The following WIZ variants were observed in gnomAD, a reference collection of about 807,000 sequenced individuals.
WIZ encodes protein Wiz.
In WIZ, 25 loss-of-function variants were observed where a neutral mutation model predicts 140.2. The observed-to-expected ratio is 0.18, with a 90% CI of 0.13 to 0.25. The LOEUF is 0.25. Ranked by LOEUF, WIZ falls within the 10% of genes least tolerant of loss-of-function variation. The pLI, the probability that WIZ is intolerant of heterozygous loss-of-function variation, is 1.00. For synonymous variants in WIZ, 1,125 were observed against 1,154.3 expected, an observed-to-expected ratio of 0.97 and a Z score of 0.51; for missense variants, 2,231 against 2,632.6, an observed-to-expected ratio of 0.85 and a Z score of 3.34.
chr19:15,447,118 G>A (rs369335025), intron 2 of WIZ, among the ~76,000 whole-genome samples: 1 of 152,216 alleles, frequency 6.6e-6, no homozygotes, highest in South Asian at 2.1e-4. Flanking sequence ...GACAGAAGAT[G>A]ATCTTGCAAA....
chr19:15,429,516 T>C, intron 7 of WIZ, 70 bp downstream of exon 7: 3 of 437,706 alleles, frequency 6.9e-6, no homozygotes, highest in Non-Finnish European at 1.0e-5. Flanking sequence ...GTCCCTGGGC[T>C]ACAGCCCAAC....
chr19:15,427,685 G>C lies in WIZ; in HGVS notation c.3815-152C>G, dbSNP rs982560124. On this transcript the variant is annotated intron_variant, in intron 8 of 12. Coordinates refer to ENST00000673675, the MANE Select transcript of WIZ (RefSeq NM_001371589.1). The surrounding 1 kb of genome is among the most constrained non-coding windows in gnomAD (Gnocchi z 6.4). ...GTGCAGGTAAGGGAGTGGAGGAGCG[G>C]GGCTGGGGGCCAGATACCCGGCAGG... 92 of 876,204 alleles carry C rather than the reference G, an allele frequency of 1.0e-4. No individual in the cohort carries two copies. Among genetic ancestry groups the C allele is most frequent in the Non-Finnish European group, 1.4e-4 (81 of 588,262 alleles). The allele number at this position is 876,204 out of a possible 1,614,324, so 54.3% of individuals were successfully genotyped here. A position where few individuals can be genotyped will look rare whatever the true frequency, so the allele number is the denominator to read the frequency against.
intron 2 of WIZ, among the ~76,000 whole-genome samples, chr19:15,444,635 G>A (rs895009811): frequency 5.9e-5 from 9 of 152,212 alleles, no homozygotes; most frequent in Non-Finnish European, 1.3e-4. Context: ...GTGCCTGGGT[G>A]CAAGGGCTGG....
intron 2 of WIZ, among the ~76,000 whole-genome samples, chr19:15,445,278 TG>T (rs1969878533): frequency 6.6e-6 from 1 of 152,238 alleles, no homozygotes; most frequent in Admixed American, 6.5e-5. Flanking sequence ...ACCTAGATTC[TG>T]GAGCCAGACA....
chr19:15,429,846 C>T lies in WIZ; in HGVS notation c.3155G>A (p.Arg1052Gln), dbSNP rs1161243170. 1.4e-5 allele frequency: 22 copies of T among 1,529,710 alleles called. No homozygotes were observed. Among genetic ancestry groups the T allele is most frequent in the Admixed American group, 9.9e-5 (5 of 50,404 alleles). 94.8% of individuals were successfully genotyped at this position (1,529,710 alleles called of 1,614,324 possible). ...CTTGGCCAGGCTGAGCAAGCCGGGC[C>T]GGGGGGCCCCGGCGACCACCTCCTT... Reference protein sequence around the residue: ...SLKEVVAGAPRPGLLSLAKPL... With the variant: ...SLKEVVAGAPQPGLLSLAKPL... Residue 1052 changes from arginine (R) to glutamine (Q), a missense_variant, in exon 7 of 13, where the codon CGG becomes CAG. Coordinates refer to ENST00000673675, the MANE Select transcript of WIZ (RefSeq NM_001371589.1).
rs1969790768 is a variant in WIZ at position 15,442,817 on chromosome 19, C to T, written c.206-69G>A. ...GCCGGGGCCCTCCACACCCCAGCTCCAGGAGCCCTGCCAGGTGCCTCAGAA... is the reference window on the plus strand; with the variant it reads ...GCCGGGGCCCTCCACACCCCAGCTCTAGGAGCCCTGCCAGGTGCCTCAGAA... On this transcript the variant is annotated intron_variant, in intron 2 of 12. Coordinates refer to ENST00000673675, the MANE Select transcript of WIZ (RefSeq NM_001371589.1). This position sits in a 1 kb window ranked among gnomAD's most constrained non-coding sequence, Gnocchi z 5.5. 1 of 1,022,222 alleles carries T rather than the reference C, an allele frequency of 9.8e-7. No homozygotes were observed. Among genetic ancestry groups the T allele is most frequent in the Non-Finnish European group, 1.3e-6 (1 of 796,348 alleles). The allele number at this position is 1,022,222 out of a possible 1,614,324, so 63.3% of individuals were successfully genotyped here. A position where few individuals can be genotyped will look rare whatever the true frequency, so the allele number is the denominator to read the frequency against.
Position 15,442,103 on chromosome 19 carries a change from C to T in WIZ, c.278+573G>A, listed in dbSNP as rs1969766400. ...TGGGGAAGCTGAGGCAGGAGAATCG[C>T]TTGAACCCAGGAGGTGGAGGTTGCA... On this transcript the variant is annotated intron_variant, in intron 3 of 12. Transcript: ENST00000673675. This position sits in a 1 kb window ranked among gnomAD's most constrained non-coding sequence, Gnocchi z 5.5. Among the ~76,000 whole-genome samples, 1 of 151,736 alleles carries T rather than the reference C, an allele frequency of 6.6e-6. No individual in the cohort carries two copies. The highest frequency in any genetic ancestry group is 1.5e-5 in the Non-Finnish European group (1 of 67,990).
Position 15,428,075 on chromosome 19 carries a change from G to A in WIZ, c.3814+35C>T, listed in dbSNP as rs568735998. On this transcript the variant is annotated intron_variant, in intron 8 of 12. Transcript: ENST00000673675. The surrounding 1 kb of genome is among the most constrained non-coding windows in gnomAD (Gnocchi z 6.4). ...CCCCCCGGGAGGGGCTCCAGGGCCC[G>A]CAGTGAGGAGGGGGCAGCTGAAGCG... The A allele has an allele frequency of 8.5e-6, 13 of 1,528,964 alleles. No homozygotes were observed. Among genetic ancestry groups the A allele is most frequent in the South Asian group, 1.2e-5 (1 of 83,246 alleles). The allele number at this position is 1,528,964 out of a possible 1,614,324, so 94.7% of individuals were successfully genotyped here.
At position 15,440,746 on chromosome 19, in the gene WIZ, G is replaced by A. The variant is rs1293448095; in HGVS notation, c.279-31C>T. 1.2e-5 allele frequency: 17 copies of A among 1,450,152 alleles called. No homozygotes were observed. In the Admixed American group the frequency reaches 1.3e-4, roughly 11 times the overall value. The allele number at this position is 1,450,152 out of a possible 1,614,324, so 89.8% of individuals were successfully genotyped here. A position where few individuals can be genotyped will look rare whatever the true frequency, so the allele number is the denominator to read the frequency against. ...AGGAAGTGCCAATGGGGACAGGTTAGCCATGGGCTGCAGTTTTCCTTCCTA... is the reference window on the plus strand; with the variant it reads ...AGGAAGTGCCAATGGGGACAGGTTAACCATGGGCTGCAGTTTTCCTTCCTA... On this transcript the variant is annotated intron_variant, in intron 3 of 12. Coordinates refer to ENST00000673675, the MANE Select transcript of WIZ (RefSeq NM_001371589.1). This position sits in a 1 kb window ranked among gnomAD's most constrained non-coding sequence, Gnocchi z 6.2.
Position 15,440,158 on chromosome 19 carries a change from G to A in WIZ, c.836C>T (p.Pro279Leu), listed in dbSNP as rs1353061650. The change falls in exon 4 of 13, where the codon CCG becomes CTG. Residue 279 changes from proline to leucine, a missense_variant. Pro to Leu is a moderately conservative substitution (Grantham distance 98). This residue lies in a region of WIZ where 307 missense variants were observed against 294.1 expected (regional missense o/e 1.04). Coordinates refer to ENST00000673675, the MANE Select transcript of WIZ (RefSeq NM_001371589.1). This position sits in a 1 kb window ranked among gnomAD's most constrained non-coding sequence, Gnocchi z 6.2. ...CCCGGTCCGGATCGGGGGCAGTAGC[G>A]GCTGCAGCCGCTCCACAGAAGCCTC... is the stretch of plus-strand genomic sequence containing the variant. ...NSEASVERLQ[P>L]LLPPIRTGPY... 33 of 1,531,998 alleles carry A rather than the reference G, an allele frequency of 2.2e-5. No individual in the cohort carries two copies. The highest frequency in any genetic ancestry group is 2.7e-5 in the African/African-American group (2 of 72,814). 94.9% of individuals were successfully genotyped at this position (1,531,998 alleles called of 1,614,324 possible). A position where few individuals can be genotyped will look rare whatever the true frequency, so the allele number is the denominator to read the frequency against.
rs1348902933 is a variant in WIZ at position 15,439,215 on chromosome 19, C to A, written c.1779G>T (p.Gln593His). Reference protein sequence around the residue: ...STLASTPYSLQLGRNKSTVHP... With the variant: ...STLASTPYSLHLGRNKSTVHP... ...GGACGGTGCTTTTGTTTCTCCCGAG[C>A]TGTAAGGAGTAGGGGGTGGATGCTA... Residue 593 changes from glutamine (Q) to histidine (H), a missense_variant, in exon 4 of 13, where the codon CAG (glutamine) becomes CAT (histidine). Physicochemically the swap from Gln to His is conservative, Grantham distance 24 (BLOSUM62 0). Coordinates refer to ENST00000673675, the MANE Select transcript of WIZ (RefSeq NM_001371589.1). This position sits in a 1 kb window ranked among gnomAD's most constrained non-coding sequence, Gnocchi z 7.0. 3.3e-6 allele frequency: 5 copies of A among 1,535,688 alleles called. No individual in the cohort carries two copies. The highest frequency in any genetic ancestry group is 4.4e-6 in the Non-Finnish European group (5 of 1,146,662).
chr19:15,426,836 C>A, intron 9 of WIZ, 146 bp downstream of exon 9: 3 of 908,448 alleles, frequency 3.3e-6, no homozygotes, highest in Non-Finnish European at 4.9e-6. Context: ...GTCTGCATAG[C>A]AGGAATACAC....
chr19:15,427,301 G>C lies in WIZ; in HGVS notation c.4047C>G (p.Ala1349=), dbSNP rs1384580898. The stretch of plus-strand genomic sequence containing the variant: ...CAGGACCTGCGCCGCCCATCATCTT[G>C]GCCAGGGCTTTTGGGCTTGGCCCTG... The part of the protein sequence containing the change: ...NPPGPSPKAL[A]KMMGGAGPGS... Residue 1349 remains alanine, a synonymous_variant, in exon 9 of 13, where the codon GCC becomes GCG. Transcript: ENST00000673675. The surrounding 1 kb of genome is among the most constrained non-coding windows in gnomAD (Gnocchi z 6.4). 20 of 1,613,594 alleles carry C rather than the reference G, an allele frequency of 1.2e-5. No individual in the cohort carries two copies. The highest frequency in any genetic ancestry group is 1.7e-5 in the Non-Finnish European group (20 of 1,179,872).
At chr19:15,432,190 C>T (rs1021361940) in intron 5 of WIZ, among the ~76,000 whole-genome samples, 1 of 151,920 alleles carries the variant, frequency 6.6e-6, no homozygotes, top group African/African-American at 2.4e-5. Flanking sequence ...GGGACGCTCC[C>T]GGGGCTCCAA....
intron 7 of WIZ, 106 bp downstream of exon 7, chr19:15,429,480 C>T (rs952235555): frequency 2.9e-6 from 3 of 1,041,352 alleles, no homozygotes; most frequent in Non-Finnish European, 3.8e-6. Flanking sequence ...CTGTAGTCCC[C>T]ACCGCCCCCA....
chr19:15,427,592 C>T lies in WIZ; in HGVS notation c.3815-59G>A, dbSNP rs1968926040. 3.9e-6 allele frequency: 6 copies of T among 1,541,154 alleles called. No homozygotes were observed. The highest frequency in any genetic ancestry group is 1.8e-5 in the Admixed American group (1 of 54,152). ...GTGGAACTGCCAGCATGGTCACCTG[C>T]AGGAGTGTCCTGGTCGGCTGGGCGT... On this transcript the variant is annotated intron_variant, in intron 8 of 12. Transcript: ENST00000673675. The surrounding 1 kb of genome is among the most constrained non-coding windows in gnomAD (Gnocchi z 6.4).
chr19:15,429,108 C>G (rs568088650), intron 7 of WIZ, among the ~76,000 whole-genome samples: 1 of 152,178 alleles, frequency 6.6e-6, no homozygotes, highest in African/African-American at 2.4e-5. Flanking sequence ...GGGGCTTCAC[C>G]GGCAGGCGCA....
rs980857685 is a variant in WIZ at position 15,425,076 on chromosome 19, G to A, written c.4895-44C>T. ...GCTGCTGAGTCACAGCCCAAAGGGG[G>A]CAGGTGCACCCAGATGGCCCTGCCC... is the stretch of plus-strand genomic sequence containing the variant. On this transcript the variant is annotated intron_variant, in intron 10 of 12. Coordinates refer to ENST00000673675, the MANE Select transcript of WIZ (RefSeq NM_001371589.1). 3.3e-6 allele frequency: 5 copies of A among 1,517,340 alleles called. No homozygotes were observed. The East Asian group carries it at 7.2e-5, about 22-fold the overall frequency. 94.0% of individuals were successfully genotyped at this position (1,517,340 alleles called of 1,614,324 possible). A position where few individuals can be genotyped will look rare whatever the true frequency, so the allele number is the denominator to read the frequency against.
rs1001253161 is a variant in WIZ, at chr19:15,442,080, G to C, written c.278+596C>G. On this transcript the variant is annotated intron_variant, in intron 3 of 12. Coordinates refer to ENST00000673675, the MANE Select transcript of WIZ (RefSeq NM_001371589.1). The surrounding 1 kb of genome is among the most constrained non-coding windows in gnomAD (Gnocchi z 5.5). ...CAGGTGCCTATAATCCCAGCTACTG[G>C]GGAAGCTGAGGCAGGAGAATCGCTT... Among the ~76,000 whole-genome samples the C allele has an allele frequency of 6.6e-6, 1 of 152,044 alleles. No homozygotes were observed. Among genetic ancestry groups the C allele is most frequent in the Non-Finnish European group, 1.5e-5 (1 of 68,014 alleles).
Sources: gnomAD v4.1 joint callset for allele counts (sites outside exome capture counted in the v4.1 genomes callset) on GRCh38, gnomAD v4.1.1 for gene constraint, gnomAD v4.1.1 regional missense constraint, Gnocchi (gnomAD v3.1) non-coding constraint, MANE v1.5 for transcripts, NCBI Gene and HGNC (gene_info 2026-07-23, HGNC 2026-07-21) for gene names.